TMEM245: variants seen among roughly 807,000 people sequenced by gnomAD.
TMEM245 encodes the protein protein CG-2.
Under a neutral mutation model 101.2 loss-of-function variants are expected in TMEM245, and 69 were observed. The ratio of observed to expected loss-of-function variants is 0.68; its 90% CI spans 0.56 to 0.83. The LOEUF (loss-of-function observed/expected upper bound fraction) is 0.83. Among genes scored for constraint, TMEM245 ranks in the 40% least tolerant of loss-of-function variants. The pLI is 0.00. For synonymous variants in TMEM245, 537 were observed against 449.8 expected, an observed-to-expected ratio of 1.19 and a Z score of -2.45; for missense variants, 1,075 against 1,092.8, an observed-to-expected ratio of 0.98 and a Z score of 0.23.
chr9:109,026,424 G>C (rs1361752122), intron 17 of TMEM245, among the ~76,000 whole-genome samples: 3 of 151,924 alleles, frequency 2.0e-5, no homozygotes, highest in Non-Finnish European at 2.9e-5. Context: ...TTAGGAGTTC[G>C]TTAAGAAGGA....
chr9:109,079,970 G>C (rs1829621643), intron 8 of TMEM245, among the ~76,000 whole-genome samples: 1 of 152,120 alleles, frequency 6.6e-6, no homozygotes, highest in Non-Finnish European at 1.5e-5. Flanking sequence ...GAGATTTTTA[G>C]AAGCAAATAA....
At chr9:109,064,240 C>G (rs1564187787) in intron 10 of TMEM245, among the ~76,000 whole-genome samples, 1 of 152,236 alleles carries the variant, frequency 6.6e-6, no homozygotes, top group Non-Finnish European at 1.5e-5. Flanking sequence ...TCCTAACTCA[C>G]AAGTAATGAA....
At chr9:109,100,313 T>C (rs556467922) in intron 3 of TMEM245, among the ~76,000 whole-genome samples, 180 of 152,258 alleles carry the variant, frequency 1.2e-3, no homozygotes, top group Non-Finnish European at 2.5e-3. Context: ...CCTATGTTTA[T>C]TTATTTATTA....
chr9:109,087,362 A>G lies in TMEM245; in HGVS notation c.1151-20T>C. The G allele has an allele frequency of 6.4e-7, 1 of 1,566,440 alleles. No individual in the cohort carries two copies. On this transcript the variant is annotated intron_variant, in intron 5 of 17. Transcript: ENST00000374586. ...TCCAGACTAAAAAAAGACAAAAAAT[A>G]CATATATAAACAAAATATAGATTAA...
intron 7 of TMEM245, among the ~76,000 whole-genome samples, chr9:109,084,304 T>C (rs960524135): frequency 6.6e-6 from 1 of 152,150 alleles, no homozygotes; most frequent in African/African-American, 2.4e-5. Context: ...TGTCCTTTCT[T>C]GGAATGTACC....
intron 1 of TMEM245, among the ~76,000 whole-genome samples, chr9:109,114,974 G>A (rs751413203): frequency 1.3e-5 from 2 of 152,144 alleles, no homozygotes; most frequent in Non-Finnish European, 2.9e-5. Flanking sequence ...TAAGAAGCAC[G>A]GAGTTTTAGG....
At chr9:109,026,666 G>A (rs986498618) in intron 17 of TMEM245, among the ~76,000 whole-genome samples, 1 of 150,784 alleles carries the variant, frequency 6.6e-6, no homozygotes, top group Non-Finnish European at 1.5e-5. Context: ...ATACGTGATA[G>A]AGTTTGGCTG....
At chr9:109,117,557 TAA>T (rs1482949848) in intron 1 of TMEM245, among the ~76,000 whole-genome samples, 1 of 152,176 alleles carries the variant, frequency 6.6e-6, no homozygotes, top group Non-Finnish European at 1.5e-5. Flanking sequence ...TTATCTTCAG[TAA>T]AAAGATACTC....
rs1027437407 is a variant in TMEM245 at position 109,115,686 on chromosome 9, C to T, written c.579+3649G>A. ...GCTGGGATTATGGAGTCGGCCGTCA[C>T]ACCCGGCTAATTTTTGTATTTTTAG... On this transcript the variant is annotated intron_variant, in intron 1 of 17. Coordinates refer to ENST00000374586, the MANE Select transcript of TMEM245 (RefSeq NM_032012.4). 3.3e-5 allele frequency among the ~76,000 whole-genome samples: 5 copies of T among 151,776 alleles called. No individual in the cohort carries two copies. In the South Asian group the frequency reaches 8.4e-4, roughly 25 times the overall value.
rs1367607595 is a variant in TMEM245 at position 109,019,059 on chromosome 9, T to C, written c.*1401A>G. 1 of 152,114 alleles carries C rather than the reference T, an allele frequency of 6.6e-6. No homozygotes were observed. Among genetic ancestry groups the C allele is most frequent in the Non-Finnish European group, 1.5e-5 (1 of 68,164 alleles). The allele number at this position is 152,114 out of a possible 1,614,324, so 9.4% of individuals were successfully genotyped here. A position where few individuals can be genotyped will look rare whatever the true frequency, so the allele number is the denominator to read the frequency against. ...CACCTACAGCCTGGCCAAGAACCCT[T>C]TTCTCTCCCACATTCCCCTGGGAGC... On this transcript the variant is annotated 3_prime_UTR_variant, in exon 18 of 18. Coordinates refer to ENST00000374586, the MANE Select transcript of TMEM245 (RefSeq NM_032012.4).
In TMEM245 at chr9:109,119,329, A is replaced by C; in HGVS notation, c.579+6T>G. On this transcript the variant is annotated splice_donor_region_variant and intron_variant, in intron 1 of 17. Coordinates refer to ENST00000374586, the MANE Select transcript of TMEM245 (RefSeq NM_032012.4). Reference sequence around the variant, plus strand: ...GGGGGACGGGGGCGGACTGCCGCTCACTCACCCACAGGCTGCTGAAGTAGT... The same window carrying C: ...GGGGGACGGGGGCGGACTGCCGCTCCCTCACCCACAGGCTGCTGAAGTAGT... 6.6e-7 allele frequency: 1 copy of C among 1,524,622 alleles called. No homozygotes were observed. The highest frequency in any genetic ancestry group is 8.8e-7 in the Non-Finnish European group (1 of 1,140,516). 94.4% of individuals were successfully genotyped at this position (1,524,622 alleles called of 1,614,324 possible).
rs75259629 is a variant in TMEM245, at chr9:109,034,093, A to G, written c.2400-592T>C. Among the ~76,000 whole-genome samples, 150 of 152,362 alleles carry G rather than the reference A, an allele frequency of 9.8e-4. 1 individual carries two copies. The highest frequency in any genetic ancestry group is 3.4e-3 in the African/African-American group (140 of 41,588). On this transcript the variant is annotated intron_variant, in intron 16 of 17. Transcript: ENST00000374586. ...CAAATGCCCTCCAGCTTATTACAGT[A>G]TCACTTATGTAAGCGGAATGAAATA...
At chr9:109,081,714 T>C (rs1250333370) in intron 7 of TMEM245, among the ~76,000 whole-genome samples, 1 of 152,192 alleles carries the variant, frequency 6.6e-6, no homozygotes, top group Non-Finnish European at 1.5e-5. Context: ...CTACTTGAAG[T>C]TTCTATTCTT....
At chr9:109,105,147 G>A (rs1011502363) in intron 3 of TMEM245, among the ~76,000 whole-genome samples, 11 of 151,742 alleles carry the variant, frequency 7.2e-5, no homozygotes, top group Non-Finnish European at 1.3e-4. Context: ...TTCCTAAAAC[G>A]CAACAACAAA....
intron 7 of TMEM245, among the ~76,000 whole-genome samples, chr9:109,083,924 A>AAAAAAAAC: frequency 1.4e-5 from 2 of 139,614 alleles, no homozygotes; most frequent in African/African-American, 5.3e-5. Context: ...AAAAAAAAAA[A>AAAAAAAAC]AAAAACACCA....
At chr9:109,059,155 T>C (rs1210073940) in intron 11 of TMEM245, among the ~76,000 whole-genome samples, 1 of 152,178 alleles carries the variant, frequency 6.6e-6, no homozygotes, top group Non-Finnish European at 1.5e-5. Context: ...TTTCTAATTA[T>C]CTGGTTTTTC....
chr9:109,111,096 A>T (rs1011430306), intron 1 of TMEM245, among the ~76,000 whole-genome samples: 1 of 152,164 alleles, frequency 6.6e-6, no homozygotes, highest in African/African-American at 2.4e-5. Context: ...TTTTGCTCAG[A>T]AAAGAGAAGG....
At position 109,108,588 on chromosome 9, in the gene TMEM245, C is replaced by A; in HGVS notation, c.580-18G>T. 1 of 1,547,766 alleles carries A rather than the reference C, an allele frequency of 6.5e-7. No individual in the cohort carries two copies. Among genetic ancestry groups the A allele is most frequent in the Non-Finnish European group, 8.8e-7 (1 of 1,134,914 alleles). ...GTCCAGATCTTAAATAAATGAAAGA[C>A]ACAGCTGTAAAATCTATACACGTGA... On this transcript the variant is annotated intron_variant, in intron 1 of 17. Coordinates refer to ENST00000374586, the MANE Select transcript of TMEM245 (RefSeq NM_032012.4).
intron 2 of TMEM245, 55 bp from the exon 3 acceptor site, chr9:109,106,664 T>C: frequency 3.8e-6 from 5 of 1,324,674 alleles, no homozygotes; most frequent in South Asian, 1.4e-5. Context: ...AGTACTTGTT[T>C]TTACAAAACT....
Sources: gnomAD v4.1 joint callset for allele counts (sites outside exome capture counted in the v4.1 genomes callset) on GRCh38, gnomAD v4.1.1 for gene constraint, MANE v1.5 for transcripts, NCBI Gene and HGNC (gene_info 2026-07-23, HGNC 2026-07-21) for gene names.